Variants in HIPK2 observed in about 807,000 individuals in gnomAD.
HIPK2 encodes homeodomain interacting protein kinase 2.
A neutral mutation model predicts 113.7 loss-of-function variants in HIPK2; 27 were observed. The ratio of observed to expected loss-of-function variants is 0.24; its 90% CI spans 0.17 to 0.33. The LOEUF is 0.33. Ranked by LOEUF, HIPK2 falls within the 10% of genes least tolerant of loss-of-function variation. The probability of loss-of-function intolerance (pLI) is 1.00; values close to 1 mark genes in which losing one functional copy is unlikely to be tolerated. For synonymous variants in HIPK2, 631 were observed against 642.2 expected (o/e 0.98, Z 0.26); for missense variants, 1,257 against 1,588.0 (o/e 0.79, Z 3.54).
chr7:139,773,631 G>C (rs1796690297), intron 1 of HIPK2, among the ~76,000 whole-genome samples: 1 of 152,212 alleles, frequency 6.6e-6, no homozygotes, highest in Non-Finnish European at 1.5e-5. Context: ...GAGAGAGAGA[G>C]ATGAAGAAAT....
At chr7:139,669,690 T>C (rs993632573) in intron 2 of HIPK2, among the ~76,000 whole-genome samples, 11 of 152,120 alleles carry the variant, frequency 7.2e-5, no homozygotes, top group Non-Finnish European at 1.0e-4. Flanking sequence ...AAATAAAACG[T>C]ACTAAAGCAC....
chr7:139,582,397 T>C (rs1417691884), intron 13 of HIPK2, among the ~76,000 whole-genome samples: 1 of 152,156 alleles, frequency 6.6e-6, no homozygotes, highest in Non-Finnish European at 1.5e-5. Flanking sequence ...GCGTGCTGCT[T>C]GTGTGTCTTT....
At chr7:139,658,235 G>A (rs560222410) in intron 2 of HIPK2, among the ~76,000 whole-genome samples, 11 of 152,174 alleles carry the variant, frequency 7.2e-5, no homozygotes, top group African/African-American at 2.6e-4. Flanking sequence ...GAACCCAGGA[G>A]GCGGAGGTTG....
intron 1 of HIPK2, among the ~76,000 whole-genome samples, chr7:139,768,345 T>C (rs909362399): frequency 6.6e-6 from 1 of 152,196 alleles, no homozygotes; most frequent in African/African-American, 2.4e-5. Flanking sequence ...AACAGGACCC[T>C]ATCTGAGGTC....
At chr7:139,639,960 G>A (rs1035306913) in intron 2 of HIPK2, among the ~76,000 whole-genome samples, 10 of 152,046 alleles carry the variant, frequency 6.6e-5, no homozygotes, top group African/African-American at 1.9e-4. Flanking sequence ...TTCTCGGTTC[G>A]GTTTCAGGCA....
chr7:139,612,384 A>G (rs756292125), intron 9 of HIPK2, among the ~76,000 whole-genome samples: 2 of 152,226 alleles, frequency 1.3e-5, no homozygotes, highest in Admixed American at 6.5e-5. Context: ...ATACAGAAGT[A>G]GTATAGCTTG....
chr7:139,613,294 C>A lies in HIPK2; in HGVS notation c.2020G>T (p.Gly674Cys). The change falls in exon 9 of 15, where the codon GGC becomes TGC. Residue 674 changes from glycine (G) to cysteine (C), a missense_variant. By Grantham distance (159) the Gly-to-Cys change is radical. This residue lies in a region of HIPK2 where 862 missense variants were observed against 1,004.3 expected (regional missense o/e 0.86). Coordinates refer to ENST00000406875, the MANE Select transcript of HIPK2 (RefSeq NM_022740.5). This position sits in a 1 kb window ranked among gnomAD's most constrained non-coding sequence, Gnocchi z 4.2. ...GCATTTTCCATTCGCACCGAGTAGCCAGCGTGCTTAGAGGGAGAGGCCTGC... is the reference window on the plus strand; with the variant it reads ...GCATTTTCCATTCGCACCGAGTAGCAAGCGTGCTTAGAGGGAGAGGCCTGC... ...GLQASPSKHA[G>C]YSVRMENAVP... The A allele has an allele frequency of 6.2e-7, 1 of 1,613,558 alleles. No individual in the cohort carries two copies. Among genetic ancestry groups the A allele is most frequent in the South Asian group, 1.1e-5 (1 of 90,982 alleles).
chr7:139,580,331 T>C (rs1162595180), intron 13 of HIPK2, among the ~76,000 whole-genome samples: 2 of 152,086 alleles, frequency 1.3e-5, no homozygotes, highest in Non-Finnish European at 2.9e-5. Flanking sequence ...GATGCTACCA[T>C]CATCATGGGG....
Position 139,777,880 on chromosome 7 carries a change from C to T in HIPK2, c.-257G>A, listed in dbSNP as rs1323392125. ...CTCGGGGCTCGGGGCTCGGGGCGGC[C>T]GGGCGGGCGGAGCGGCCGAGGCCGA... On this transcript the variant is annotated 5_prime_UTR_variant, in exon 1 of 15. Transcript: ENST00000406875. 1 of 137,348 alleles carries T rather than the reference C, an allele frequency of 7.3e-6. No individual in the cohort carries two copies. The highest frequency in any genetic ancestry group is 1.6e-5 in the Non-Finnish European group (1 of 63,662). The allele number at this position is 137,348 out of a possible 1,614,324, so 8.5% of individuals were successfully genotyped here. A position where few individuals can be genotyped will look rare whatever the true frequency, so the allele number is the denominator to read the frequency against.
At chr7:139,712,124 T>C (rs1051026983) in intron 2 of HIPK2, among the ~76,000 whole-genome samples, 1 of 152,166 alleles carries the variant, frequency 6.6e-6, no homozygotes, top group African/African-American at 2.4e-5. Context: ...ATGACATAAC[T>C]GACCTTCGAA....
Position 139,613,484 on chromosome 7 carries a change from G to T in HIPK2, c.1991-161C>A. On this transcript the variant is annotated intron_variant, in intron 8 of 14. Transcript: ENST00000406875. The surrounding 1 kb of genome is among the most constrained non-coding windows in gnomAD (Gnocchi z 4.2). Reference sequence around the variant, plus strand: ...CTGGTCCTTGGAAGTCTCCCCTTTGGCTTCTAACAAATTAAAAAACAAAAC... The same window carrying T: ...CTGGTCCTTGGAAGTCTCCCCTTTGTCTTCTAACAAATTAAAAAACAAAAC... 2.8e-6 allele frequency: 1 copy of T among 352,984 alleles called. No individual in the cohort carries two copies. The highest frequency in any genetic ancestry group is 4.0e-6 in the Non-Finnish European group (1 of 251,950). The allele number at this position is 352,984 out of a possible 1,614,324, so 21.9% of individuals were successfully genotyped here.
At position 139,614,288 on chromosome 7, in the gene HIPK2, T is replaced by C; in HGVS notation, c.1988A>G (p.Gln663Arg). 1 of 1,495,410 alleles carries C rather than the reference T, an allele frequency of 6.7e-7. No individual in the cohort carries two copies. Among genetic ancestry groups the C allele is most frequent in the Non-Finnish European group, 9.0e-7 (1 of 1,108,738 alleles). The allele number at this position is 1,495,410 out of a possible 1,614,324, so 92.6% of individuals were successfully genotyped here. Residue 663 changes from glutamine to arginine, a missense_variant and splice_region_variant, in exon 8 of 15, where the codon CAA becomes CGA. Gln to Arg is a conservative substitution (Grantham distance 43, BLOSUM62 1). This residue lies in a region of HIPK2 where 862 missense variants were observed against 1,004.3 expected (regional missense o/e 0.86). Coordinates refer to ENST00000406875, the MANE Select transcript of HIPK2 (RefSeq NM_022740.5). ...AGGCTGTGGCTGCTCAATCTTACCT[T>C]GGAAGCCGGGGGGACACACGATGAG... ...QALIVCPPGF[Q>R]GLQASPSKHA...
intron 2 of HIPK2, among the ~76,000 whole-genome samples, chr7:139,634,853 T>C (rs1170846875): frequency 6.6e-6 from 1 of 151,918 alleles, no homozygotes; most frequent in Non-Finnish European, 1.5e-5. Flanking sequence ...AATTTTTGTA[T>C]TTTTAGCAGA....
Position 139,626,785 on chromosome 7 carries a change from C to G in HIPK2, c.1435G>C (p.Val479Leu), listed in dbSNP as rs1433040487. The G allele has an allele frequency of 1.2e-6, 2 of 1,613,842 alleles. No homozygotes were observed. The highest frequency in any genetic ancestry group is 2.7e-5 in the African/African-American group (2 of 74,926). ...IFNCLDDMAQ[V>L]NMTTDLEGSD... The stretch of plus-strand genomic sequence containing the variant: ...CCTTCCAAATCTGTCGTCATGTTCA[C>G]CTGGACGCAAGTAAGGACAGGTTAC... Residue 479 changes from valine to leucine, a missense_variant and splice_region_variant, in exon 6 of 15, where the codon GTG (valine) becomes CTG (leucine). Around this residue, in one of 5 missense-constraint regions of HIPK2, gnomAD observed 862 missense variants for 1,004.3 expected, o/e 0.86. Coordinates refer to ENST00000406875, the MANE Select transcript of HIPK2 (RefSeq NM_022740.5).
At chr7:139,690,037 T>C (rs1029426198) in intron 2 of HIPK2, among the ~76,000 whole-genome samples, 2 of 89,488 alleles carry the variant, frequency 2.2e-5, no homozygotes, top group African/African-American at 4.5e-5. Flanking sequence ...GCCCAATCTA[T>C]GCAGGTCCAT....
At chr7:139,697,237 C>T (rs1416153531) in intron 2 of HIPK2, among the ~76,000 whole-genome samples, 1 of 152,208 alleles carries the variant, frequency 6.6e-6, no homozygotes, top group Non-Finnish European at 1.5e-5. Flanking sequence ...CCACTTCCAT[C>T]AGGGCAACGC....
At chr7:139,656,348 A>AT (rs1801668711) in intron 2 of HIPK2, among the ~76,000 whole-genome samples, 1 of 152,052 alleles carries the variant, frequency 6.6e-6, no homozygotes, top group Admixed American at 6.6e-5. Context: ...CAGAACCATG[A>AT]TTTTTTCATC....
chr7:139,600,061 C>G (rs1462584121), intron 11 of HIPK2, among the ~76,000 whole-genome samples: 3 of 152,158 alleles, frequency 2.0e-5, no homozygotes, highest in Non-Finnish European at 4.4e-5. Context: ...TCCCTTACCC[C>G]TGATGCTTCC....
intron 2 of HIPK2, among the ~76,000 whole-genome samples, chr7:139,702,390 C>T (rs1338114926): frequency 2.0e-5 from 3 of 152,184 alleles, no homozygotes; most frequent in African/African-American, 7.2e-5. Context: ...GGCCTTGGGC[C>T]ACAGCCCAGT....
Sources: gnomAD v4.1 joint callset for allele counts (sites outside exome capture counted in the v4.1 genomes callset) on GRCh38, gnomAD v4.1.1 for gene constraint, gnomAD v4.1.1 regional missense constraint, Gnocchi (gnomAD v3.1) non-coding constraint, MANE v1.5 for transcripts, NCBI Gene and HGNC (gene_info 2026-07-23, HGNC 2026-07-21) for gene names.